SEPTIN12: variants seen among roughly 807,000 people sequenced by gnomAD.
The protein encoded by SEPTIN12 is septin-12.
SEPTIN12 carries 42 observed loss-of-function variants against 37.7 expected under a neutral mutation model. The observed-to-expected ratio is 1.11, with a 90% CI of 0.87 to 1.44. The LOEUF is 1.44. SEPTIN12 is among the 40% of genes most tolerant of loss of function. The pLI is 0.00. For missense variants in SEPTIN12, 613 were observed against 479.2 expected (o/e 1.28, Z -2.61); for synonymous variants, 254 against 196.7 (o/e 1.29, Z -2.44).
chr16:4,780,368 G>C (rs1021693349), intron 7 of SEPTIN12, among the ~76,000 whole-genome samples: 1 of 152,014 alleles, frequency 6.6e-6, no homozygotes, highest in Non-Finnish European at 1.5e-5. Context: ...GATTATAGGA[G>C]TGAGCTACCA....
upstream of SEPTIN12, chr16:4,789,902 T>A (rs2082524356): frequency 6.8e-6 from 1 of 147,260 alleles, no homozygotes; most frequent in African/African-American, 2.7e-5. Context: ...CTTTTCTCCT[T>A]TCTTTTCTTT....
chr16:4,786,234 T>G (rs1465444629), intron 2 of SEPTIN12, 129 bp from the exon 3 acceptor site: 2 of 1,226,022 alleles, frequency 1.6e-6, no homozygotes, highest in Non-Finnish European at 2.2e-6. Flanking sequence ...AGTGCAATGA[T>G]GCAATCCCCG....
chr16:4,782,967 G>A (rs1410574009), intron 7 of SEPTIN12, among the ~76,000 whole-genome samples: 2 of 150,402 alleles, frequency 1.3e-5, no homozygotes, highest in East Asian at 2.0e-4. Context: ...GTGCAATGGC[G>A]CCATCTCAGC....
Position 4,784,064 on chromosome 16 carries a change from C to T in SEPTIN12, c.379G>A (p.Asp127Asn). 6.2e-7 allele frequency: 1 copy of T among 1,614,018 alleles called. No individual in the cohort carries two copies. Among genetic ancestry groups the T allele is most frequent in the Non-Finnish European group, 8.5e-7 (1 of 1,179,978 alleles). Residue 127 changes from aspartate (D) to asparagine (N), a missense_variant, in exon 5 of 10, where the codon GAC (aspartate) becomes AAC (asparagine). By Grantham distance (23) the Asp-to-Asn change is conservative (BLOSUM62 1). Coordinates refer to ENST00000268231, the MANE Select transcript of SEPTIN12 (RefSeq NM_144605.5). ...TCGTTGATGTAGCCCAGGATGGGGT[C>T]CCAGCTGAGGCGGGAGGTGGACCCT... ...GDQINNDNCW[D>N]PILGYINEQY... is the part of the protein sequence containing the mutation.
intron 1 of SEPTIN12, chr16:4,787,989 G>C (rs1375641237): frequency 8.0e-6 from 2 of 249,364 alleles, no homozygotes; most frequent in African/African-American, 2.2e-5. Flanking sequence ...AGTCCAGGAT[G>C]GGTGTTTGCA....
At chr16:4,779,924 C>A in intron 7 of SEPTIN12, 138 bp from the exon 8 acceptor site, 2 of 678,142 alleles carry the variant, frequency 2.9e-6, no homozygotes, top group Admixed American at 2.5e-5. Flanking sequence ...ACAGAATTCC[C>A]AAGTTCAAAG....
At chr16:4,786,177 T>C (rs1351576500) in intron 2 of SEPTIN12, 72 bp from the exon 3 acceptor site, 4 of 1,511,960 alleles carry the variant, frequency 2.6e-6, no homozygotes, top group Non-Finnish European at 2.7e-6. Context: ...TCTTTACTTT[T>C]CTATTTTATT....
chr16:4,784,159 TGGGACGACGAATCGTCCCGGTTGGCCC>T, intron 4 of SEPTIN12, 91 bp from the exon 5 acceptor site: 1 of 1,501,644 alleles, frequency 6.7e-7, no homozygotes, highest in Non-Finnish European at 9.2e-7. Context: ...GGTCCTCCCT[TGGGACGACGAATCGTCCCGGTTGGCCC>T]GGGACCTGTG....
At chr16:4,779,925 A>C (rs956136240) in intron 7 of SEPTIN12, 139 bp from the exon 8 acceptor site, 8 of 675,636 alleles carry the variant, frequency 1.2e-5, no homozygotes, top group Admixed American at 2.6e-5. Context: ...CAGAATTCCC[A>C]AGTTCAAAGA....
chr16:4,779,606 T>C lies in SEPTIN12; in HGVS notation c.823+84A>G, dbSNP rs921421449. The C allele has an allele frequency of 4.7e-5, 39 of 829,160 alleles. No individual in the cohort carries two copies. The Middle Eastern group carries it at 1.3e-3, about 28-fold the overall frequency. The allele number at this position is 829,160 out of a possible 1,614,324, so 51.4% of individuals were successfully genotyped here. A position where few individuals can be genotyped will look rare whatever the true frequency, so the allele number is the denominator to read the frequency against. ...TAGTGGGCTTCACCTTTCTGTGCCCTGTGATGGGTGCGAAGGTTGCCCAAG... is the reference window on the plus strand; with the variant it reads ...TAGTGGGCTTCACCTTTCTGTGCCCCGTGATGGGTGCGAAGGTTGCCCAAG... On this transcript the variant is annotated intron_variant, in intron 8 of 9. Coordinates refer to ENST00000268231, the MANE Select transcript of SEPTIN12 (RefSeq NM_144605.5).
At chr16:4,786,136 G>C in intron 2 of SEPTIN12, 31 bp from the exon 3 acceptor site, 1 of 1,544,438 alleles carries the variant, frequency 6.5e-7, no homozygotes, top group Non-Finnish European at 8.7e-7. Flanking sequence ...ACAGCAGTTA[G>C]GGTGGGCGTT....
rs757105747 is a variant in SEPTIN12, at chr16:4,783,442, C to A, written c.726+20G>T. 8 of 1,598,564 alleles carry A rather than the reference C, an allele frequency of 5.0e-6. No homozygotes were observed. The African/African-American group carries it at 1.1e-4, about 21-fold the overall frequency. On this transcript the variant is annotated intron_variant, in intron 7 of 9. Transcript: ENST00000268231. ...GGGAAGGAAATCACCTCGCCCGCCT[C>A]CCGCCCCACAGCCTCTCACCCGTAA... is the stretch of plus-strand genomic sequence containing the variant.
chr16:4,783,515 G>T lies in SEPTIN12; in HGVS notation c.673C>A (p.Gln225Lys), dbSNP rs771771089. 3.1e-6 allele frequency: 5 copies of T among 1,614,000 alleles called. No individual in the cohort carries two copies. In the East Asian group the frequency reaches 8.9e-5, roughly 29 times the overall value. Residue 225 changes from glutamine (Q) to lysine (K), a missense_variant, in exon 7 of 10, where the codon CAG (glutamine) becomes AAG (lysine). Coordinates refer to ENST00000268231, the MANE Select transcript of SEPTIN12 (RefSeq NM_144605.5). ...LRTHCIDVYP[Q>K]MCFDEDINDK... The stretch of plus-strand genomic sequence containing the variant: ...TTGATGTCCTCGTCAAAGCACATCT[G>T]GGGGTAGACGTCGATGCAGTGGGTC...
At position 4,783,780 on chromosome 16, in the gene SEPTIN12, G is replaced by T. The variant is rs1475531638; in HGVS notation, c.513-14C>A. The T allele has an allele frequency of 1.2e-5, 19 of 1,612,030 alleles. No homozygotes were observed. The highest frequency in any genetic ancestry group is 1.6e-5 in the Non-Finnish European group (19 of 1,178,504). ...AGGGGCCGCAGGCTGCCGGAGGCAG[G>T]GCAGTGATGGGGGTGGCGGTGGTGG... On this transcript the variant is annotated splice_polypyrimidine_tract_variant and intron_variant, in intron 5 of 9. Coordinates refer to ENST00000268231, the MANE Select transcript of SEPTIN12 (RefSeq NM_144605.5).
At chr16:4,786,901 G>C (rs535889173) in intron 2 of SEPTIN12, among the ~76,000 whole-genome samples, 4 of 151,974 alleles carry the variant, frequency 2.6e-5, no homozygotes, top group Admixed American at 2.6e-4. Flanking sequence ...TTCTGCTTCA[G>C]TCTTGCTCTG....
upstream of SEPTIN12, among the ~76,000 whole-genome samples, chr16:4,789,533 A>G (rs2082517713): frequency 6.6e-6 from 1 of 151,934 alleles, no homozygotes; most frequent in Non-Finnish European, 1.5e-5. Context: ...TCCCTGTGTT[A>G]GCCAGGATGG....
At chr16:4,789,365 A>G (rs2082513006), upstream of SEPTIN12, among the ~76,000 whole-genome samples, 1 of 141,352 alleles carries the variant, frequency 7.1e-6, no homozygotes, top group Non-Finnish European at 1.5e-5. Context: ...TCGCTCTGTC[A>G]CCCAGGCTGG....
At chr16:4,779,645 C>T in intron 8 of SEPTIN12, 45 bp downstream of exon 8, 1 of 1,261,992 alleles carries the variant, frequency 7.9e-7, no homozygotes, top group Non-Finnish European at 1.2e-6. Context: ...GCTCTGGTTT[C>T]CAAACTGACC....
At chr16:4,784,815 A>G (rs1480071298) in intron 4 of SEPTIN12, among the ~76,000 whole-genome samples, 1 of 139,434 alleles carries the variant, frequency 7.2e-6, no homozygotes, top group Non-Finnish European at 1.6e-5. Flanking sequence ...ATAAATAAAT[A>G]AAATGAAACC....
Sources: allele counts gnomAD v4.1 joint callset (sites outside exome capture counted in the v4.1 genomes callset), GRCh38; gene constraint gnomAD v4.1.1; transcripts MANE v1.5; gene names NCBI Gene and HGNC (gene_info 2026-07-23, HGNC 2026-07-21).